The following PCDHGA7 variants were observed in gnomAD, a reference collection of about 807,000 sequenced individuals.
PCDHGA7 encodes the protein protocadherin gamma-A7.
PCDHGA7 carries 44 observed loss-of-function variants against 58.3 expected under a neutral mutation model. That is an observed-to-expected ratio of 0.75 (90% CI 0.59 to 0.97). PCDHGA7 has a LOEUF of 0.97. PCDHGA7 is among the 50% of genes least tolerant of loss of function. PCDHGA7 has a pLI of 0.00. For missense variants in PCDHGA7, 1,266 were observed against 1,188.7 expected, an observed-to-expected ratio of 1.06 and a Z score of -0.96; for synonymous variants, 516 against 504.2, an observed-to-expected ratio of 1.02 and a Z score of -0.31.
At position 141,487,198 on chromosome 5, in the gene PCDHGA7, T is replaced by A; in HGVS notation, c.2425-7609T>A. The A allele has an allele frequency of 1.2e-6, 2 of 1,613,854 alleles. No individual in the cohort carries two copies. The highest frequency in any genetic ancestry group is 1.7e-6 in the Non-Finnish European group (2 of 1,179,722). ...AAGACACTCATCCAGTTGTCCCAGATCTTCGAGAATCTTCAGCTCCAAGGG... is the reference window on the plus strand; with the variant it reads ...AAGACACTCATCCAGTTGTCCCAGAACTTCGAGAATCTTCAGCTCCAAGGG... On this transcript the variant is annotated intron_variant, in intron 1 of 3. Transcript: ENST00000518325. The surrounding 1 kb of genome is among the most constrained non-coding windows in gnomAD (Gnocchi z 5.0).
chr5:141,394,795 C>T (rs543209610), intron 1 of PCDHGA7: 1 of 1,613,676 alleles, frequency 6.2e-7, no homozygotes, highest in Non-Finnish European at 8.5e-7. Context: ...GTCACGCTCA[C>T]CGTAGCCGTG....
Position 141,485,739 on chromosome 5 carries a change from G to A in PCDHGA7, c.2425-9068G>A. 6.2e-7 allele frequency: 1 copy of A among 1,614,234 alleles called. No individual in the cohort carries two copies. Among genetic ancestry groups the A allele is most frequent in the Non-Finnish European group, 8.5e-7 (1 of 1,180,042 alleles). ...GATGTGAAGAAGCGCAGCGACGGCA[G>A]CCTGGTCCCAGAGCTGCTCCTGGAG... On this transcript the variant is annotated intron_variant, in intron 1 of 3. Transcript: ENST00000518325. The surrounding 1 kb of genome is among the most constrained non-coding windows in gnomAD (Gnocchi z 5.7).
intron 1 of PCDHGA7, chr5:141,415,752 T>C: frequency 7.3e-7 from 1 of 1,372,622 alleles, no homozygotes; most frequent in Non-Finnish European, 9.4e-7. Flanking sequence ...TTTTTTTTTT[T>C]TTTTTTTTTT....
At chr5:141,392,871 C>T (rs2092620267) in intron 1 of PCDHGA7, 2 of 1,613,280 alleles carry the variant, frequency 1.2e-6, no homozygotes, top group Admixed American at 1.7e-5. Flanking sequence ...GTGCGCGCTG[C>T]TGGGAACGCT....
chr5:141,431,462 G>A lies in PCDHGA7; in HGVS notation c.2424+46139G>A. ...GCGCATCCGCGTGATGGTTCTGGAT[G>A]CGAACGACAACGCACCAGCGTTTGC... On this transcript the variant is annotated intron_variant, in intron 1 of 3. Transcript: ENST00000518325. This position sits in a 1 kb window ranked among gnomAD's most constrained non-coding sequence, Gnocchi z 4.8. 6.2e-7 allele frequency: 1 copy of A among 1,613,826 alleles called. No individual in the cohort carries two copies. The highest frequency in any genetic ancestry group is 2.2e-5 in the East Asian group (1 of 44,886).
rs780395794 is a variant in PCDHGA7, at chr5:141,489,685, G to A, written c.2425-5122G>A. ...GCGCATCTCAGAATCAGCAGCATCT[G>A]GGGCACGATTCCCACTGGACAGTGC... On this transcript the variant is annotated intron_variant, in intron 1 of 3. Coordinates refer to ENST00000518325, the MANE Select transcript of PCDHGA7 (RefSeq NM_018920.4). The surrounding 1 kb of genome is among the most constrained non-coding windows in gnomAD (Gnocchi z 4.5). 10 of 1,614,142 alleles carry A rather than the reference G, an allele frequency of 6.2e-6. No individual in the cohort carries two copies. The South Asian group carries it at 1.1e-4, about 18-fold the overall frequency.
At chr5:141,460,981 GTGTATA>G (rs1450537646) in intron 1 of PCDHGA7, among the ~76,000 whole-genome samples, 10 of 121,882 alleles carry the variant, frequency 8.2e-5, no homozygotes, top group African/African-American at 3.1e-4. Flanking sequence ...GTGTGTGTGT[GTGTATA>G]TATATATATG....
At chr5:141,389,498 A>T (rs376900362) in intron 1 of PCDHGA7, 6 of 1,612,928 alleles carry the variant, frequency 3.7e-6, no homozygotes, top group African/African-American at 1.3e-5. Context: ...AGGGCTCGCC[A>T]GCGCTCAGCG....
chr5:141,504,765 C>T lies in PCDHGA7; in HGVS notation c.2484-628C>T, dbSNP rs548234873. ...ATTGAATTTTAGAAATTTCTTCTCC[C>T]TGCTCCAGGGTCTCTTGGGGCCTCC... On this transcript the variant is annotated intron_variant, in intron 2 of 3. Transcript: ENST00000518325. Among the ~76,000 whole-genome samples, 4 of 152,156 alleles carry T rather than the reference C, an allele frequency of 2.6e-5. No homozygotes were observed. The South Asian group carries it at 8.3e-4, about 32-fold the overall frequency.
At position 141,384,283 on chromosome 5, in the gene PCDHGA7, G is replaced by C. The variant is rs762515266; in HGVS notation, c.1384G>C (p.Ala462Pro). Residue 462 changes from alanine (A) to proline (P), a missense_variant, in exon 1 of 4, where the codon GCT becomes CCT. Ala to Pro is a conservative substitution (Grantham distance 27). Coordinates refer to ENST00000518325, the MANE Select transcript of PCDHGA7 (RefSeq NM_018920.4). ...FPHSSYSVYI[A>P]ENNPRGASIF... Reference sequence around the variant, plus strand: ...CCACTCATCCTACTCAGTCTACATCGCTGAGAACAACCCCAGAGGGGCCTC... The same window carrying C: ...CCACTCATCCTACTCAGTCTACATCCCTGAGAACAACCCCAGAGGGGCCTC... 19 of 1,613,644 alleles carry C rather than the reference G, an allele frequency of 1.2e-5. No homozygotes were observed. The highest frequency in any genetic ancestry group is 2.2e-5 in the South Asian group (2 of 91,074).
chr5:141,456,942 A>C (rs11737987), intron 1 of PCDHGA7, among the ~76,000 whole-genome samples: 42,405 of 152,066 alleles, frequency 0.28, 6,638 homozygotes, highest in African/African-American at 0.43. Flanking sequence ...CAGCCTGGGC[A>C]ACAGAGCAAA....
At chr5:141,446,098 A>G (rs375135134) in intron 1 of PCDHGA7, among the ~76,000 whole-genome samples, 2 of 152,350 alleles carry the variant, frequency 1.3e-5, no homozygotes, top group African/African-American at 4.8e-5. Flanking sequence ...TGGATGAATT[A>G]TAGATATATT....
chr5:141,505,210 A>G (rs899138393), intron 2 of PCDHGA7, among the ~76,000 whole-genome samples, 183 bp from the exon 3 acceptor site: 3 of 152,192 alleles, frequency 2.0e-5, no homozygotes, highest in African/African-American at 7.2e-5. Flanking sequence ...GGTTTGAGGG[A>G]CTGACTTGTG....
At chr5:141,462,503 A>G (rs1338834436) in intron 1 of PCDHGA7, among the ~76,000 whole-genome samples, 1 of 152,060 alleles carries the variant, frequency 6.6e-6, no homozygotes, top group East Asian at 1.9e-4. Context: ...ATAATTGTCA[A>G]CTAGATCAAG....
rs1165828230 is a variant in PCDHGA7, at chr5:141,511,464, C to T, written c.*291C>T. On this transcript the variant is annotated 3_prime_UTR_variant, in exon 4 of 4. Coordinates refer to ENST00000518325, the MANE Select transcript of PCDHGA7 (RefSeq NM_018920.4). ...ACACCAAGAACCATTTGCCACACCCCGTTTAGTTACAGCTGAACTCCTCCA... is the reference window on the plus strand; with the variant it reads ...ACACCAAGAACCATTTGCCACACCCTGTTTAGTTACAGCTGAACTCCTCCA... 9 of 538,254 alleles carry T rather than the reference C, an allele frequency of 1.7e-5. No individual in the cohort carries two copies. The highest frequency in any genetic ancestry group is 7.8e-5 in the East Asian group (2 of 25,720). 33.3% of individuals were successfully genotyped at this position (538,254 alleles called of 1,614,324 possible).
intron 1 of PCDHGA7, among the ~76,000 whole-genome samples, chr5:141,448,016 G>A (rs903673535): frequency 6.6e-6 from 1 of 152,006 alleles, no homozygotes; most frequent in South Asian, 2.1e-4. Context: ...AACCCAGGAG[G>A]TGGAGGTTGC....
In PCDHGA7 at chr5:141,486,157, A is replaced by C. The variant is rs1562110580; in HGVS notation, c.2425-8650A>C. On this transcript the variant is annotated intron_variant, in intron 1 of 3. Transcript: ENST00000518325. This position sits in a 1 kb window ranked among gnomAD's most constrained non-coding sequence, Gnocchi z 5.0. ...TGCGGGCTCGCGATGGGGGTTCTCC[A>C]GCCATGGAGCAACATTGCAGCCTTC... 10 of 1,614,208 alleles carry C rather than the reference A, an allele frequency of 6.2e-6. No individual in the cohort carries two copies. The highest frequency in any genetic ancestry group is 8.5e-6 in the Non-Finnish European group (10 of 1,180,028).
intron 1 of PCDHGA7, chr5:141,395,264 A>T: frequency 1.3e-6 from 2 of 1,549,832 alleles, no homozygotes; most frequent in Non-Finnish European, 1.7e-6. Flanking sequence ...GCTTGCTTTT[A>T]ATTTCCAGAT....
At chr5:141,435,376 A>G (rs1358757887) in intron 1 of PCDHGA7, among the ~76,000 whole-genome samples, 1 of 152,200 alleles carries the variant, frequency 6.6e-6, no homozygotes, top group Non-Finnish European at 1.5e-5. Flanking sequence ...TAAATATACA[A>G]TATACCGTAT....
Sources: gnomAD v4.1 joint callset for allele counts (sites outside exome capture counted in the v4.1 genomes callset) on GRCh38, gnomAD v4.1.1 for gene constraint, Gnocchi (gnomAD v3.1) non-coding constraint, MANE v1.5 for transcripts, NCBI Gene and HGNC (gene_info 2026-07-23, HGNC 2026-07-21) for gene names.